Variants in ITIH2 observed in about 807,000 individuals in gnomAD.
ITIH2 encodes inter-alpha-trypsin inhibitor heavy chain 2.
ITIH2 carries 103 observed loss-of-function variants against 104.4 expected under a neutral mutation model. That is an observed-to-expected ratio of 0.99 (90% CI 0.84 to 1.16). The LOEUF is 1.16. Among genes scored for constraint, ITIH2 ranks in the 50% most tolerant of loss-of-function variants. The pLI is 0.00. For synonymous variants in ITIH2, 436 were observed against 435.4 expected (o/e 1.00, Z -0.02); for missense variants, 1,108 against 1,162.4 (o/e 0.95, Z 0.68).
chr10:7,711,388 T>C (rs1275852948), intron 4 of ITIH2, among the ~76,000 whole-genome samples: 1 of 152,198 alleles, frequency 6.6e-6, no homozygotes, highest in Admixed American at 6.5e-5. Flanking sequence ...TTTACTTTTA[T>C]CTCCCTCTGC....
intron 11 of ITIH2, 148 bp downstream of exon 11, chr10:7,727,976 C>A: frequency 1.1e-6 from 1 of 916,282 alleles, no homozygotes; most frequent in Non-Finnish European, 1.6e-6. Flanking sequence ...TCTTCTGATC[C>A]TGCAGCCCTC....
intron 2 of ITIH2, 122 bp from the exon 3 acceptor site, chr10:7,707,079 A>G: frequency 1.8e-6 from 1 of 565,840 alleles, no homozygotes; most frequent in Non-Finnish European, 3.1e-6. Flanking sequence ...ACTCCAGTGA[A>G]TGAATAACAG....
chr10:7,726,417 GTTCT>G (rs1157523657), intron 9 of ITIH2, among the ~76,000 whole-genome samples: 2 of 152,288 alleles, frequency 1.3e-5, no homozygotes, highest in Non-Finnish European at 2.9e-5. Context: ...ACTGCTAGTT[GTTCT>G]TTATTATCAG....
At position 7,744,231 on chromosome 10, in the gene ITIH2, A is replaced by G. The variant is rs1431298312; in HGVS notation, c.2359A>G (p.Ser787Gly). ...GACCATCACCCTGAGCCATGGTTCTAGCACATTCTCCTTGTCCTGGTCCGA... is the reference window on the plus strand; with the variant it reads ...GACCATCACCCTGAGCCATGGTTCTGGCACATTCTCCTTGTCCTGGTCCGA... ...TETITLSHGS[S>G]TFSLSWSDTA... The change falls in exon 18 of 21, where the codon AGC becomes GGC. Residue 787 changes from serine to glycine, a missense_variant. Transcript: ENST00000358415. The G allele has an allele frequency of 1.2e-6, 2 of 1,614,206 alleles. No individual in the cohort carries two copies. The highest frequency in any genetic ancestry group is 4.5e-5 in the East Asian group (2 of 44,882).
At chr10:7,720,650 T>C (rs564967541) in intron 6 of ITIH2, among the ~76,000 whole-genome samples, 92 of 152,290 alleles carry the variant, frequency 6.0e-4, no homozygotes, top group African/African-American at 2.1e-3. Flanking sequence ...AGGAGAGCTC[T>C]GAGTCGACAG....
At chr10:7,732,602 T>C in intron 14 of ITIH2, 125 bp downstream of exon 14, 1 of 965,414 alleles carries the variant, frequency 1.0e-6, no homozygotes, top group African/African-American at 1.6e-5. Context: ...CAGGCTTGGA[T>C]TATTACCTTC....
rs1216952731 is a variant in ITIH2 at position 7,737,648 on chromosome 10, CTATAT to C, written c.1958-966_1958-962del. Among the ~76,000 whole-genome samples the C allele has an allele frequency of 1.1e-4, 10 of 92,922 alleles. 1 individual carries two copies. Among genetic ancestry groups the C allele is most frequent in the East Asian group, 3.7e-4 (1 of 2,694 alleles). 61.0% of individuals were successfully genotyped at this position (92,922 alleles called of 152,430 possible). ...TATATTCTATATTCTATAGAATATT[CTATAT>C]TATATTCTATATTATATTCTATATT... On this transcript the variant is annotated intron_variant, in intron 15 of 20. Transcript: ENST00000358415.
At chr10:7,714,358 G>A (rs1054362376) in intron 5 of ITIH2, among the ~76,000 whole-genome samples, 10 of 151,784 alleles carry the variant, frequency 6.6e-5, no homozygotes, top group African/African-American at 2.4e-4. Context: ...TTTTTCAGTA[G>A]AGACGGGGTT....
intron 2 of ITIH2, 109 bp from the exon 3 acceptor site, chr10:7,707,092 C>G: frequency 3.0e-6 from 2 of 657,712 alleles, no homozygotes; most frequent in Non-Finnish European, 2.7e-6. Flanking sequence ...AATAACAGCT[C>G]AGTATTGAAG....
intron 9 of ITIH2, 69 bp downstream of exon 9, chr10:7,723,636 A>C: frequency 1.0e-6 from 1 of 980,074 alleles, no homozygotes; most frequent in Non-Finnish European, 1.7e-6. Flanking sequence ...CTAAAAATGC[A>C]ATCATTCTAT....
chr10:7,723,607 T>C (rs761226376), intron 9 of ITIH2, 40 bp downstream of exon 9: 61 of 1,224,634 alleles, frequency 5.0e-5, no homozygotes, highest in Non-Finnish European at 7.3e-5. Flanking sequence ...GGGGATTCCC[T>C]ATCTTCTTTG....
intron 12 of ITIH2, among the ~76,000 whole-genome samples, chr10:7,730,490 C>A (rs936030466): frequency 1.3e-5 from 2 of 152,122 alleles, no homozygotes; most frequent in Non-Finnish European, 2.9e-5. Context: ...GCATTGGCAT[C>A]TTGGTATCAA....
In ITIH2 at chr10:7,727,031, C is replaced by T. The variant is rs545967088; in HGVS notation, c.1066C>T (p.Arg356Ter). ...FSVIDFNQNI[R>*]TWRNDLISAT... ...TGTGATTGATTTCAACCAGAACATT[C>T]GAACTTGGAGAAATGATTTAATTTC... The change falls in exon 10 of 21, where the codon CGA (arginine) becomes TGA (stop). Residue 356 changes from arginine to a stop codon, truncating the protein, a stop_gained. Coordinates refer to ENST00000358415, the MANE Select transcript of ITIH2 (RefSeq NM_002216.3). LOFTEE classifies it high-confidence loss of function. The T allele has an allele frequency of 2.3e-5, 37 of 1,613,962 alleles. 1 individual carries two copies. The highest frequency in any genetic ancestry group is 7.7e-5 in the South Asian group (7 of 91,074).
chr10:7,734,417 C>T (rs918608503), intron 14 of ITIH2, among the ~76,000 whole-genome samples: 4 of 152,174 alleles, frequency 2.6e-5, no homozygotes, highest in African/African-American at 9.7e-5. Flanking sequence ...CCTTGGGAGC[C>T]AGATGCATGG....
Position 7,749,171 on chromosome 10 carries a change from C to G in ITIH2, c.2694-16C>G, listed in dbSNP as rs1451113550. 1.1e-5 allele frequency: 17 copies of G among 1,613,652 alleles called. No individual in the cohort carries two copies. Among genetic ancestry groups the G allele is most frequent in the Non-Finnish European group, 1.4e-5 (17 of 1,179,712 alleles). On this transcript the variant is annotated splice_polypyrimidine_tract_variant and intron_variant, in intron 20 of 20. Coordinates refer to ENST00000358415, the MANE Select transcript of ITIH2 (RefSeq NM_002216.3). ...TGCTCAGTCTCCCCCTAACCACATG[C>G]CTTGCTTCCTTGCAGGGGCTTACAG...
chr10:7,707,234 G>A lies in ITIH2; in HGVS notation c.192+1G>A, dbSNP rs979832968. The A allele has an allele frequency of 1.9e-6, 3 of 1,597,130 alleles. No homozygotes were observed. In the East Asian group the frequency reaches 6.7e-5, roughly 36 times the overall value. On this transcript the variant is annotated splice_donor_variant, in intron 3 of 20. Transcript: ENST00000358415. LOFTEE classifies it high-confidence loss of function. ...TCCAGGAGAATCGGAAGAAATGATG[G>A]TAAGTTGACTTGATGTTGTTACAGA...
chr10:7,714,211 G>A (rs1047048107), intron 5 of ITIH2, among the ~76,000 whole-genome samples: 30 of 120,950 alleles, frequency 2.5e-4, no homozygotes, highest in South Asian at 1.3e-3. Context: ...TCGCTCTGTC[G>A]CCCAGGCTGG....
chr10:7,706,155 C>A (rs1385412835), intron 2 of ITIH2, among the ~76,000 whole-genome samples: 1 of 152,096 alleles, frequency 6.6e-6, no homozygotes, highest in Admixed American at 6.6e-5. Flanking sequence ...ATCCAATAAG[C>A]AAGACTTCAT....
At chr10:7,725,240 T>G (rs1834941518) in intron 9 of ITIH2, among the ~76,000 whole-genome samples, 1 of 152,174 alleles carries the variant, frequency 6.6e-6, no homozygotes, top group Non-Finnish European at 1.5e-5. Flanking sequence ...GGGTATGCAA[T>G]TTTAAATAGG....
Sources: allele counts gnomAD v4.1 joint callset (sites outside exome capture counted in the v4.1 genomes callset), GRCh38; gene constraint gnomAD v4.1.1; transcripts MANE v1.5; gene names NCBI Gene and HGNC (gene_info 2026-07-23, HGNC 2026-07-21).